Variants in MACROD2 observed in about 807,000 individuals in gnomAD.
MACROD2 encodes ADP-ribose glycohydrolase MACROD2.
In MACROD2, 36 loss-of-function variants were observed where a neutral mutation model predicts 70.4. That is an observed-to-expected ratio of 0.51 (90% CI 0.39 to 0.68). The LOEUF (loss-of-function observed/expected upper bound fraction) is 0.68. Among genes scored for constraint, MACROD2 ranks in the 30% least tolerant of loss-of-function variants. MACROD2 has a pLI of 0.00. For synonymous variants in MACROD2, 172 were observed against 178.8 expected, an observed-to-expected ratio of 0.96 and a Z score of 0.30; for missense variants, 496 against 538.4, an observed-to-expected ratio of 0.92 and a Z score of 0.78.
chr20:15,180,366 G>T (rs766914531), intron 5 of MACROD2, among the ~76,000 whole-genome samples: 1 of 152,258 alleles, frequency 6.6e-6, no homozygotes, highest in Non-Finnish European at 1.5e-5. Context: ...ATGGGGTATA[G>T]TTCAAGCTAA....
chr20:15,227,601 A>G (rs2076918222), intron 5 of MACROD2, among the ~76,000 whole-genome samples: 1 of 152,182 alleles, frequency 6.6e-6, no homozygotes, highest in East Asian at 1.9e-4. Flanking sequence ...CAACAATGGG[A>G]ACAAGATTGC....
intron 3 of MACROD2, among the ~76,000 whole-genome samples, chr20:14,381,894 A>G (rs2083423895): frequency 6.6e-6 from 1 of 152,194 alleles, no homozygotes. Context: ...AGAAAGACAG[A>G]CAGATAAGAG....
chr20:14,295,570 G>A (rs1398044856), intron 3 of MACROD2, among the ~76,000 whole-genome samples: 1 of 151,696 alleles, frequency 6.6e-6, no homozygotes, highest in Admixed American at 6.6e-5. Flanking sequence ...CTGTGTGGGG[G>A]GGCTGGGGGG....
At chr20:14,105,454 C>T (rs2148681520) in intron 3 of MACROD2, among the ~76,000 whole-genome samples, 1 of 152,278 alleles carries the variant, frequency 6.6e-6, no homozygotes, top group South Asian at 2.1e-4. Context: ...AGCATTTGGA[C>T]CAGACCTAGC....
intron 8 of MACROD2, among the ~76,000 whole-genome samples, chr20:15,852,646 A>G (rs750708832): frequency 5.3e-5 from 8 of 152,206 alleles, no homozygotes; most frequent in Non-Finnish European, 1.0e-4. Context: ...ACGGACTCCT[A>G]TGGGGTCTTG....
chr20:15,021,240 C>CTG (rs1331922279), intron 5 of MACROD2, among the ~76,000 whole-genome samples: 1 of 62,716 alleles, frequency 1.6e-5, no homozygotes, highest in Non-Finnish European at 2.9e-5. Flanking sequence ...ATACACACAC[C>CTG]TGTGTGTATG....
intron 15 of MACROD2, among the ~76,000 whole-genome samples, chr20:16,021,967 C>T (rs779934091): frequency 2.6e-5 from 4 of 151,822 alleles, no homozygotes; most frequent in African/African-American, 9.7e-5. Context: ...GAAATTCTGT[C>T]CAGAATTATG....
At chr20:15,630,554 C>G (rs2049273441) in intron 8 of MACROD2, among the ~76,000 whole-genome samples, 1 of 152,172 alleles carries the variant, frequency 6.6e-6, no homozygotes, top group African/African-American at 2.4e-5. Context: ...TCGTACTTAG[C>G]ACAGGACGGG....
intron 15 of MACROD2, among the ~76,000 whole-genome samples, chr20:16,020,077 C>A (rs950445539): frequency 6.6e-6 from 1 of 152,178 alleles, no homozygotes; most frequent in Non-Finnish European, 1.5e-5. Flanking sequence ...TCATGCAAAT[C>A]TGTGATGACC....
chr20:15,569,931 T>G (rs1489086786), intron 8 of MACROD2, among the ~76,000 whole-genome samples: 1 of 152,194 alleles, frequency 6.6e-6, no homozygotes, highest in Non-Finnish European at 1.5e-5. Flanking sequence ...GTATAGTGAA[T>G]GATACTGCAA....
intron 8 of MACROD2, among the ~76,000 whole-genome samples, chr20:15,779,975 C>T (rs1246414624): frequency 6.6e-6 from 1 of 152,070 alleles, no homozygotes; most frequent in African/African-American, 2.4e-5. Flanking sequence ...CATATCAGAG[C>T]ATGGTTAGCA....
chr20:14,395,101 T>G (rs1047272200), intron 3 of MACROD2, among the ~76,000 whole-genome samples: 3 of 152,126 alleles, frequency 2.0e-5, no homozygotes, highest in African/African-American at 7.2e-5. Context: ...TCTCATAGGA[T>G]ACGTCAGGAA....
rs117674405 is a variant in MACROD2 at position 15,562,549 on chromosome 20, G to A, written c.645+62702G>A. Among the ~76,000 whole-genome samples, 1,239 of 152,330 alleles carry A rather than the reference G, an allele frequency of 8.1e-3. 12 individuals carry two copies. The highest frequency in any genetic ancestry group is 0.014 in the Non-Finnish European group (970 of 68,036). On this transcript the variant is annotated intron_variant, in intron 8 of 17. Transcript: ENST00000684519. Reference sequence around the variant, plus strand: ...ATATTGGAAGGTAATGTTTGTGTGTGTGTGTTACAGGCTTGTTGGAGTTCA... The same window carrying A: ...ATATTGGAAGGTAATGTTTGTGTGTATGTGTTACAGGCTTGTTGGAGTTCA...
chr20:15,294,583 C>A (rs6110565), intron 6 of MACROD2, among the ~76,000 whole-genome samples: 1 of 152,214 alleles, frequency 6.6e-6, no homozygotes, highest in African/African-American at 2.4e-5. Context: ...ACCTTTTCAC[C>A]TGTAATCCAG....
chr20:15,128,640 T>C (rs2076083491), intron 5 of MACROD2, among the ~76,000 whole-genome samples: 1 of 152,084 alleles, frequency 6.6e-6, no homozygotes. Context: ...ATAAGAATTA[T>C]ATATACATTA....
intron 4 of MACROD2, among the ~76,000 whole-genome samples, chr20:14,651,121 C>T (rs1176576456): frequency 6.6e-6 from 1 of 152,124 alleles, no homozygotes; most frequent in African/African-American, 2.4e-5. Context: ...AATTAAATGT[C>T]ATTAAATAGA....
intron 2 of MACROD2, among the ~76,000 whole-genome samples, chr20:14,033,956 TTTTTA>T (rs2053276360): frequency 6.7e-6 from 1 of 149,804 alleles, no homozygotes; most frequent in Admixed American, 6.6e-5. Flanking sequence ...ACCTCACCTA[TTTTTA>T]TTTTATTTAT....
chr20:15,349,351 C>T (rs973458135), intron 6 of MACROD2, among the ~76,000 whole-genome samples: 1 of 152,130 alleles, frequency 6.6e-6, no homozygotes, highest in African/African-American at 2.4e-5. Flanking sequence ...GTGTTATTAC[C>T]TAGGTAAGCT....
At chr20:15,352,608 A>G (rs2078240343) in intron 6 of MACROD2, among the ~76,000 whole-genome samples, 1 of 152,200 alleles carries the variant, frequency 6.6e-6, no homozygotes, top group Non-Finnish European at 1.5e-5. Flanking sequence ...TTGCATTGAA[A>G]TACTGGTAAT....
Sources: gnomAD v4.1 joint callset for allele counts (sites outside exome capture counted in the v4.1 genomes callset) on GRCh38, gnomAD v4.1.1 for gene constraint, MANE v1.5 for transcripts, NCBI Gene and HGNC (gene_info 2026-07-23, HGNC 2026-07-21) for gene names.